APBB1IP: variants seen among roughly 807,000 people sequenced by gnomAD.
APBB1IP encodes the protein amyloid beta precursor protein binding family B member 1 interacting protein, also known as amyloid beta A4 precursor protein-binding family B member 1-interacting protein.
In APBB1IP, 27 loss-of-function variants were observed where a neutral mutation model predicts 64.9. The observed-to-expected ratio is 0.42, with a 90% CI of 0.31 to 0.57. The LOEUF is 0.57. Ranked by LOEUF, APBB1IP falls within the 20% of genes least tolerant of loss-of-function variation. APBB1IP has a pLI of 0.20. For synonymous variants in APBB1IP, 392 were observed against 331.0 expected (o/e 1.18, Z -2.00); for missense variants, 812 against 845.5 (o/e 0.96, Z 0.49).
intron 10 of APBB1IP, among the ~76,000 whole-genome samples, chr10:26,536,673 C>T (rs1194265444): frequency 6.6e-6 from 1 of 150,966 alleles, no homozygotes; most frequent in Non-Finnish European, 1.5e-5. Context: ...CTAACTGCAA[C>T]CTCCACCTCC....
At chr10:26,546,504 T>C (rs536110475) in intron 11 of APBB1IP, among the ~76,000 whole-genome samples, 1 of 152,356 alleles carries the variant, frequency 6.6e-6, no homozygotes, top group African/African-American at 2.4e-5. Flanking sequence ...AAACATTGTG[T>C]AATCATCAAA....
chr10:26,546,344 G>A (rs1480138627), intron 11 of APBB1IP, among the ~76,000 whole-genome samples: 2 of 152,152 alleles, frequency 1.3e-5, no homozygotes, highest in Non-Finnish European at 2.9e-5. Flanking sequence ...GACACACATT[G>A]CTAGGCCCCC....
intron 13 of APBB1IP, among the ~76,000 whole-genome samples, chr10:26,561,153 C>G (rs926073434): frequency 2.9e-5 from 4 of 136,606 alleles, no homozygotes; most frequent in African/African-American, 5.5e-5. Context: ...ACTGCAAGCT[C>G]CGCCTCCTGG....
intron 2 of APBB1IP, among the ~76,000 whole-genome samples, chr10:26,443,187 T>C (rs1835354540): frequency 6.6e-6 from 1 of 152,094 alleles, no homozygotes. Context: ...TTTGGGAGGC[T>C]GAGGCAGGAG....
At chr10:26,529,076 A>G (rs1311578575) in intron 8 of APBB1IP, among the ~76,000 whole-genome samples, 1 of 152,234 alleles carries the variant, frequency 6.6e-6, no homozygotes, top group Non-Finnish European at 1.5e-5. Context: ...TTTCCTATCC[A>G]GCTGTCCCCA....
chr10:26,491,360 G>A (rs1464798050), intron 2 of APBB1IP, among the ~76,000 whole-genome samples: 3 of 152,190 alleles, frequency 2.0e-5, no homozygotes, highest in African/African-American at 4.8e-5. Context: ...TCATGTTACA[G>A]ATGAAACAAT....
At chr10:26,500,584 T>A (rs1046023412) in intron 4 of APBB1IP, among the ~76,000 whole-genome samples, 1 of 152,208 alleles carries the variant, frequency 6.6e-6, no homozygotes, top group African/African-American at 2.4e-5. Flanking sequence ...CCCCCAATAT[T>A]TTTTCTTGGT....
At chr10:26,502,458 C>T (rs1021558724) in intron 5 of APBB1IP, among the ~76,000 whole-genome samples, 4 of 151,924 alleles carry the variant, frequency 2.6e-5, no homozygotes, top group Admixed American at 2.0e-4. Flanking sequence ...AGGCTAACAC[C>T]GTGAAACTCC....
intron 11 of APBB1IP, among the ~76,000 whole-genome samples, chr10:26,556,286 C>T (rs761301263): frequency 2.6e-5 from 4 of 152,176 alleles, no homozygotes; most frequent in African/African-American, 4.8e-5. Flanking sequence ...TCTCAAGACA[C>T]GGTGGAGAAC....
At chr10:26,440,802 G>A (rs1835330628) in intron 2 of APBB1IP, among the ~76,000 whole-genome samples, 1 of 151,994 alleles carries the variant, frequency 6.6e-6, no homozygotes, top group Non-Finnish European at 1.5e-5. Context: ...ATTATTATTA[G>A]AATGAGCTAC....
chr10:26,515,997 G>A (rs912010157), intron 8 of APBB1IP, among the ~76,000 whole-genome samples: 6 of 152,208 alleles, frequency 3.9e-5, no homozygotes, highest in South Asian at 4.2e-4. Context: ...AGAAGTGGCC[G>A]AGGCAAGATG....
chr10:26,455,910 A>G (rs187028800), intron 2 of APBB1IP, among the ~76,000 whole-genome samples: 86 of 152,346 alleles, frequency 5.6e-4, no homozygotes, highest in Non-Finnish European at 1.1e-3. Flanking sequence ...CCAAATGTCC[A>G]TCAACTAATA....
intron 2 of APBB1IP, among the ~76,000 whole-genome samples, chr10:26,465,486 TATA>T (rs1301297374): frequency 6.6e-6 from 1 of 152,242 alleles, no homozygotes; most frequent in African/African-American, 2.4e-5. Context: ...GTCATAATGA[TATA>T]ATAATTACTC....
At chr10:26,475,090 G>A (rs1835759943) in intron 2 of APBB1IP, among the ~76,000 whole-genome samples, 1 of 151,558 alleles carries the variant, frequency 6.6e-6, no homozygotes, top group Non-Finnish European at 1.5e-5. Flanking sequence ...TCGCTGATGT[G>A]TCCGTGTCTT....
chr10:26,506,143 C>T (rs1323757135), intron 6 of APBB1IP, among the ~76,000 whole-genome samples: 1 of 151,794 alleles, frequency 6.6e-6, no homozygotes, highest in Non-Finnish European at 1.5e-5. Context: ...TGGTCACCTT[C>T]CTAGCGAGGC....
intron 11 of APBB1IP, among the ~76,000 whole-genome samples, chr10:26,546,651 G>A (rs1184957892): frequency 6.6e-6 from 1 of 152,048 alleles, no homozygotes; most frequent in Non-Finnish European, 1.5e-5. Flanking sequence ...CTATAACACT[G>A]TACTCATTGA....
chr10:26,513,610 A>T lies in APBB1IP; in HGVS notation c.763A>T (p.Ile255Leu). The change falls in exon 8 of 15, where the codon ATA becomes TTA. Residue 255 changes from isoleucine (I) to leucine (L), a missense_variant. By Grantham distance (5) the Ile-to-Leu change is conservative (BLOSUM62 2). This residue lies in a region of APBB1IP where 394 missense variants were observed against 413.1 expected (regional missense o/e 0.95). Transcript: ENST00000376236. ...SDWTRDTENK[I>L]LFLEKEEKYA... ...CTGGACAAGAGACACAGAAAATAAA[A>T]TACTATTTTTGGAGAAAGAGGAGAA... The T allele has an allele frequency of 6.2e-7, 1 of 1,613,222 alleles. No individual in the cohort carries two copies. The highest frequency in any genetic ancestry group is 8.5e-7 in the Non-Finnish European group (1 of 1,179,768).
At chr10:26,543,978 A>G (rs554034774) in intron 11 of APBB1IP, among the ~76,000 whole-genome samples, 1 of 152,348 alleles carries the variant, frequency 6.6e-6, no homozygotes, top group African/African-American at 2.4e-5. Flanking sequence ...AAAAATAAGA[A>G]TAATGGCAAG....
chr10:26,438,796 TC>T lies in APBB1IP; in HGVS notation c.-55del, dbSNP rs1283406320. On this transcript the variant is annotated 5_prime_UTR_variant, in exon 2 of 15. Coordinates refer to ENST00000376236, the MANE Select transcript of APBB1IP (RefSeq NM_019043.4). ...CGGCAGTCTGCACCGCGCGTCGCTT[TC>T]CCGGCCGGAGTCTCGCCGCCTTCCC... 1 of 152,542 alleles carries T rather than the reference TC, an allele frequency of 6.6e-6. No homozygotes were observed. Among genetic ancestry groups the T allele is most frequent in the Non-Finnish European group, 1.5e-5 (1 of 68,380 alleles). The allele number at this position is 152,542 out of a possible 1,614,324, so 9.4% of individuals were successfully genotyped here.
Sources: gnomAD v4.1 joint callset for allele counts (sites outside exome capture counted in the v4.1 genomes callset) on GRCh38, gnomAD v4.1.1 for gene constraint, gnomAD v4.1.1 regional missense constraint, MANE v1.5 for transcripts, NCBI Gene and HGNC (gene_info 2026-07-23, HGNC 2026-07-21) for gene names.